SCARA3: variants seen among roughly 807,000 people sequenced by gnomAD.
The protein encoded by SCARA3 is cellular stress response gene protein.
A neutral mutation model predicts 47.0 loss-of-function variants in SCARA3; 39 were observed. The observed-to-expected ratio is 0.83, with a 90% confidence interval of 0.64 to 1.08. The LOEUF is 1.08. SCARA3 is among the 50% of genes least tolerant of loss of function. SCARA3 has a pLI of 0.00. For synonymous variants in SCARA3, 356 were observed against 334.1 expected (o/e 1.07, Z -0.71); for missense variants, 724 against 792.3 (o/e 0.91, Z 1.04).
intron 1 of SCARA3, among the ~76,000 whole-genome samples, chr8:27,640,569 G>A (rs973791922): frequency 8.6e-5 from 13 of 151,718 alleles, no homozygotes; most frequent in African/African-American, 2.4e-4. Flanking sequence ...TTGTAGAGAT[G>A]AAGTCTCGCT....
chr8:27,696,620 T>TA, the SCARA3 span, among the ~76,000 whole-genome samples: 1 of 149,788 alleles, frequency 6.7e-6, no homozygotes, highest in African/African-American at 2.5e-5. Flanking sequence ...TGGCTAATTT[T>TA]TTTTTTTTTT....
intron 5 of SCARA3, among the ~76,000 whole-genome samples, chr8:27,670,132 A>T (rs760636097): frequency 6.6e-6 from 1 of 152,152 alleles, no homozygotes; most frequent in South Asian, 2.1e-4. Context: ...GACTCACAGG[A>T]GGGTCCATGG....
the SCARA3 span, among the ~76,000 whole-genome samples, chr8:27,723,035 A>G: frequency 5.3e-5 from 8 of 152,202 alleles, no homozygotes; most frequent in Admixed American, 4.6e-4. Flanking sequence ...CACGCTGTGC[A>G]TCTGCTGCTT....
chr8:27,675,922 A>G (rs1939320639), downstream of SCARA3, among the ~76,000 whole-genome samples: 1 of 152,166 alleles, frequency 6.6e-6, no homozygotes, highest in Non-Finnish European at 1.5e-5. Flanking sequence ...AGGAACGTGT[A>G]CTTCCCCCAG....
intron 5 of SCARA3, among the ~76,000 whole-genome samples, chr8:27,667,116 T>C (rs1433515055): frequency 2.6e-5 from 4 of 152,158 alleles, no homozygotes; most frequent in Non-Finnish European, 5.9e-5. Flanking sequence ...ACCCCTGCCT[T>C]GTTATTGGCA....
rs755887342 is a variant in SCARA3, at chr8:27,651,572, T to C, written c.171T>C (p.Ile57=). 6.2e-7 allele frequency: 1 copy of C among 1,614,150 alleles called. No individual in the cohort carries two copies. Among genetic ancestry groups the C allele is most frequent in the Non-Finnish European group, 8.5e-7 (1 of 1,180,038 alleles). ...TATCTTTGCACACATCGGTGCGGAT[T>C]CTTTACCTCTTCCTGGCCCTGCTCC... is the stretch of plus-strand genomic sequence containing the variant. ...KNLSLHTSVR[I]LYLFLALLLV... The change falls in exon 3 of 6, where the codon ATT becomes ATC. Residue 57 remains isoleucine, a synonymous_variant. Transcript: ENST00000301904.
the SCARA3 span, chr8:27,702,036 A>G: frequency 1.3e-5 from 2 of 152,082 alleles, no homozygotes; most frequent in Non-Finnish European, 2.9e-5. Flanking sequence ...AAAGGCTAGA[A>G]TATGTGTGAG....
At chr8:27,675,216 A>C (rs1363273764), downstream of SCARA3, among the ~76,000 whole-genome samples, 1 of 152,186 alleles carries the variant, frequency 6.6e-6, no homozygotes, top group Non-Finnish European at 1.5e-5. Context: ...GTCTCTAGCC[A>C]GGGCTGAGCT....
the SCARA3 span, among the ~76,000 whole-genome samples, chr8:27,706,473 C>T: frequency 1.3e-5 from 2 of 152,124 alleles, no homozygotes; most frequent in African/African-American, 4.8e-5. Flanking sequence ...GTTTAGATTT[C>T]ATCCTGAGTC....
rs981584013 is a variant in SCARA3, at chr8:27,659,356, C to T, written c.1186C>T (p.Leu396Phe). 2 of 1,614,138 alleles carry T rather than the reference C, an allele frequency of 1.2e-6. No homozygotes were observed. Among genetic ancestry groups the T allele is most frequent in the Non-Finnish European group, 1.7e-6 (2 of 1,180,012 alleles). The change falls in exon 5 of 6, where the codon CTC (leucine) becomes TTC (phenylalanine). Residue 396 changes from leucine (L) to phenylalanine (F), a missense_variant. Coordinates refer to ENST00000301904, the MANE Select transcript of SCARA3 (RefSeq NM_016240.3). Reference protein sequence around the residue: ...TLGFHTHAEELYYLNKSVSIM... With the variant: ...TLGFHTHAEEFYYLNKSVSIM... ...GGGCTTCCACACCCATGCCGAGGAG[C>T]TCTACTACCTGAACAAGTCTGTCTC...
chr8:27,697,239 C>G, the SCARA3 span: 1 of 220,140 alleles, frequency 4.5e-6, no homozygotes, highest in South Asian at 7.9e-5. Flanking sequence ...CCTGCAGCTG[C>G]TTAGTGAGAG....
At chr8:27,697,848 C>T in the SCARA3 span, among the ~76,000 whole-genome samples, 1 of 152,174 alleles carries the variant, frequency 6.6e-6, no homozygotes, top group Non-Finnish European at 1.5e-5. Flanking sequence ...TTGCCTTCCA[C>T]CATGATTGTG....
intron 5 of SCARA3, among the ~76,000 whole-genome samples, chr8:27,661,809 C>G (rs1801918934): frequency 6.6e-6 from 1 of 152,136 alleles, no homozygotes; most frequent in African/African-American, 2.4e-5. Flanking sequence ...TATAGTATTT[C>G]TACCTGGGTG....
Position 27,664,150 on chromosome 8 carries a change from G to A in SCARA3, c.1369+4611G>A, listed in dbSNP as rs536790484. On this transcript the variant is annotated intron_variant, in intron 5 of 5. Coordinates refer to ENST00000301904, the MANE Select transcript of SCARA3 (RefSeq NM_016240.3). ...ATTTCCTGTCCCCTGACATGGTAAC[G>A]GAAATCTTCCCACAGTATTTCACCT... 7.2e-5 allele frequency among the ~76,000 whole-genome samples: 11 copies of A among 152,306 alleles called. No individual in the cohort carries two copies. In the South Asian group the frequency reaches 1.4e-3, roughly 20 times the overall value.
At chr8:27,692,436 A>C in the SCARA3 span, among the ~76,000 whole-genome samples, 14 of 148,048 alleles carry the variant, frequency 9.5e-5, no homozygotes, top group Admixed American at 1.4e-4. Flanking sequence ...AAAAAAAAAA[A>C]CAAAACTGAT....
At chr8:27,722,507 G>C in the SCARA3 span, among the ~76,000 whole-genome samples, 143 of 152,114 alleles carry the variant, frequency 9.4e-4, no homozygotes, top group Middle Eastern at 6.8e-3. Flanking sequence ...CCAAACCCTC[G>C]TGCCTCCATC....
chr8:27,673,078 C>T, downstream of SCARA3: 1 of 849,466 alleles, frequency 1.2e-6, no homozygotes, highest in African/African-American at 1.8e-5. Context: ...CAGGGCTGCA[C>T]TCCAGGTGGG....
rs1228026449 is a variant in SCARA3, at chr8:27,651,448, C to A, written c.107-60C>A. 18 of 1,580,302 alleles carry A rather than the reference C, an allele frequency of 1.1e-5. No individual in the cohort carries two copies. The East Asian group carries it at 3.1e-4, about 27-fold the overall frequency. The stretch of plus-strand genomic sequence containing the variant: ...GACCAGAGCAGGAACATGGAACTGA[C>A]CCTTCAGCTCCAACCTGGGCCCCTG... On this transcript the variant is annotated intron_variant, in intron 2 of 5. Transcript: ENST00000301904.
the SCARA3 span, among the ~76,000 whole-genome samples, chr8:27,705,234 G>A: frequency 6.6e-6 from 1 of 152,212 alleles, no homozygotes; most frequent in Non-Finnish European, 1.5e-5. Context: ...GAAGGAGCCT[G>A]GTAGAGAAAG....
Sources: gnomAD v4.1 joint callset for allele counts (sites outside exome capture counted in the v4.1 genomes callset) on GRCh38, gnomAD v4.1.1 for gene constraint, MANE v1.5 for transcripts, NCBI Gene and HGNC (gene_info 2026-07-23, HGNC 2026-07-21) for gene names.